Variants in NELFA observed in about 807,000 individuals in gnomAD.
NELFA encodes the protein negative elongation factor A.
NELFA carries 35 observed loss-of-function variants against 51.8 expected under a neutral mutation model. That is an observed-to-expected ratio of 0.68 (90% CI 0.52 to 0.90). NELFA has a LOEUF of 0.90. Ranked by LOEUF, NELFA falls within the 40% of genes least tolerant of loss-of-function variation. The probability of loss-of-function intolerance (pLI) is 0.00; values close to 1 mark genes in which losing one functional copy is unlikely to be tolerated. For missense variants in NELFA, 658 were observed against 746.4 expected, an observed-to-expected ratio of 0.88 and a Z score of 1.38; for synonymous variants, 417 against 338.4, an observed-to-expected ratio of 1.23 and a Z score of -2.55.
intron 4 of NELFA, 47 bp from the exon 5 acceptor site, chr4:1,986,449 C>T (rs368905227): frequency 2.2e-4 from 358 of 1,597,884 alleles, no homozygotes; most frequent in Non-Finnish European, 2.7e-4. Flanking sequence ...GACCGGCAAA[C>T]GTCCCCCACC....
At chr4:1,993,027 C>T (rs536149431) in intron 1 of NELFA, among the ~76,000 whole-genome samples, 7 of 152,358 alleles carry the variant, frequency 4.6e-5, no homozygotes, top group Admixed American at 1.3e-4. Context: ...TACGTGGCTG[C>T]AGGAAGCGCT....
intron 1 of NELFA, among the ~76,000 whole-genome samples, chr4:2,003,312 C>G (rs1675804285): frequency 6.6e-6 from 1 of 152,208 alleles, no homozygotes; most frequent in South Asian, 2.1e-4. Flanking sequence ...TTGTGGAAGA[C>G]AGCATGGCGA....
intron 1 of NELFA, among the ~76,000 whole-genome samples, chr4:1,995,153 AG>A (rs1366528384): frequency 6.6e-6 from 1 of 152,258 alleles, no homozygotes; most frequent in African/African-American, 2.4e-5. Context: ...ATGCTGAGTA[AG>A]GGGAACTCCT....
At chr4:1,996,431 T>C (rs1352148559) in intron 1 of NELFA, among the ~76,000 whole-genome samples, 2 of 152,150 alleles carry the variant, frequency 1.3e-5, no homozygotes, top group Non-Finnish European at 2.9e-5. Context: ...AAGCCTGAGA[T>C]TGGCATCCAT....
chr4:2,001,457 T>A (rs1728563972), intron 1 of NELFA, among the ~76,000 whole-genome samples: 1 of 152,186 alleles, frequency 6.6e-6, no homozygotes, highest in South Asian at 2.1e-4. Context: ...AGTCCGAGAA[T>A]ACAAAATCAA....
chr4:2,001,690 G>A (rs966597630), intron 1 of NELFA, among the ~76,000 whole-genome samples: 3 of 151,780 alleles, frequency 2.0e-5, no homozygotes, highest in African/African-American at 7.3e-5. Flanking sequence ...ATTACCTGAG[G>A]TCAGGAGTTT....
Position 2,008,970 on chromosome 4 carries a change from A to AGC in NELFA, c.-13_-12dup, listed in dbSNP as rs762692698. On this transcript the variant is annotated 5_prime_UTR_variant, in exon 1 of 11. Coordinates refer to ENST00000382882, the MANE Select transcript of NELFA (RefSeq NM_005663.5). ...CCGCATGGACGCCATCTTGGGGGAA[A>AGC]GCGCGCGCCGCTGCCCCGGCATCTT... 6 of 1,552,500 alleles carry AGC rather than the reference A, an allele frequency of 3.9e-6. No individual in the cohort carries two copies. Among genetic ancestry groups the AGC allele is most frequent in the Non-Finnish European group, 5.2e-6 (6 of 1,147,602 alleles).
intron 1 of NELFA, among the ~76,000 whole-genome samples, chr4:1,998,947 G>A (rs1466625230): frequency 6.6e-6 from 1 of 152,126 alleles, no homozygotes; most frequent in Admixed American, 6.6e-5. Flanking sequence ...ACTAATGGCA[G>A]ACCTCTGCAG....
chr4:1,991,293 G>C (rs1220619722), intron 2 of NELFA, among the ~76,000 whole-genome samples: 1 of 152,132 alleles, frequency 6.6e-6, no homozygotes, highest in African/African-American at 2.4e-5. Flanking sequence ...GGCGAGTGGC[G>C]TGACACAGCC....
chr4:2,005,714 CAAACAA>C (rs1327806519), intron 1 of NELFA, among the ~76,000 whole-genome samples: 2 of 151,820 alleles, frequency 1.3e-5, no homozygotes, highest in Non-Finnish European at 2.9e-5. Context: ...AACAAACAAA[CAAACAA>C]AAACAAAAAT....
In NELFA at chr4:1,986,151, G is replaced by A. The variant is rs144909996; in HGVS notation, c.798C>T (p.Gly266=). ...TTCTCCGCTTCGCCTCTCGGCCAGCGCCAACCATATCCAGCTCAGAGATGT... is the reference window on the plus strand; with the variant it reads ...TTCTCCGCTTCGCCTCTCGGCCAGCACCAACCATATCCAGCTCAGAGATGT... The part of the protein sequence containing the change: ...LLDISELDMV[G]AGREAKRRRK... Residue 266 remains glycine, a synonymous_variant, in exon 6 of 11, where the codon GGC becomes GGT. Transcript: ENST00000382882. 102 of 1,555,970 alleles carry A rather than the reference G, an allele frequency of 6.6e-5. 1 individual carries two copies. The African/African-American group carries it at 1.0e-3, about 16-fold the overall frequency.
At chr4:2,004,994 G>C (rs938456173) in intron 1 of NELFA, among the ~76,000 whole-genome samples, 1 of 150,742 alleles carries the variant, frequency 6.6e-6, no homozygotes, top group African/African-American at 2.4e-5. Flanking sequence ...TTTTTCTTTA[G>C]AGACGGGGTT....
chr4:1,990,061 G>A (rs1040397966), intron 2 of NELFA, 192 bp from the exon 3 acceptor site: 1 of 634,886 alleles, frequency 1.6e-6, no homozygotes, highest in African/African-American at 1.8e-5. Flanking sequence ...TTGCAGAACA[G>A]GAATGCCTGA....
In NELFA at chr4:1,983,252, T is replaced by C; in HGVS notation, c.*67A>G. ...GGCCAGGTGTCCGCCATCCGGTTAC[T>C]TTAAGCTGGCAAAGCCATCGTCCCG... On this transcript the variant is annotated 3_prime_UTR_variant, in exon 11 of 11. Transcript: ENST00000382882. The C allele has an allele frequency of 2.0e-6, 3 of 1,528,470 alleles. No homozygotes were observed. The highest frequency in any genetic ancestry group is 1.3e-5 in the South Asian group (1 of 79,832). 94.7% of individuals were successfully genotyped at this position (1,528,470 alleles called of 1,614,324 possible). A position where few individuals can be genotyped will look rare whatever the true frequency, so the allele number is the denominator to read the frequency against.
At position 2,008,929 on chromosome 4, in the gene NELFA, G is replaced by A. The variant is rs774025234; in HGVS notation, c.31C>T (p.Leu11=). 35 of 1,570,266 alleles carry A rather than the reference G, an allele frequency of 2.2e-5. No individual in the cohort carries two copies. In the South Asian group the frequency reaches 4.0e-4, roughly 18 times the overall value. ...GCCCCCAGCTTGTTGTGCAGCCACA[G>A]GCCCGTGTCGCTCTCCCGCATGGAC... MASMRESDTG[L]WLHNKLGATD... Residue 11 remains leucine, a synonymous_variant, in exon 1 of 11, where the codon CTG becomes TTG. Coordinates refer to ENST00000382882, the MANE Select transcript of NELFA (RefSeq NM_005663.5).
intron 1 of NELFA, among the ~76,000 whole-genome samples, chr4:2,002,046 A>C (rs1312416949): frequency 6.6e-6 from 1 of 150,686 alleles, no homozygotes; most frequent in African/African-American, 2.4e-5. Context: ...TAAAAATACA[A>C]AAAATTAGCC....
At chr4:2,006,271 G>A (rs1728707445) in intron 1 of NELFA, among the ~76,000 whole-genome samples, 1 of 152,170 alleles carries the variant, frequency 6.6e-6, no homozygotes, top group South Asian at 2.1e-4. Context: ...CATCCATGTG[G>A]AAAATTAGAC....
chr4:1,990,595 G>C, intron 2 of NELFA: 1 of 445,016 alleles, frequency 2.2e-6, no homozygotes. Flanking sequence ...CTTGCAGGGG[G>C]GTGGCCAGCA....
chr4:1,987,922 G>C lies in NELFA; in HGVS notation c.630C>G (p.Thr210=), dbSNP rs1399367605. 2 of 1,605,196 alleles carry C rather than the reference G, an allele frequency of 1.2e-6. No homozygotes were observed. Among genetic ancestry groups the C allele is most frequent in the Non-Finnish European group, 1.7e-6 (2 of 1,177,192 alleles). ...KGRGLLRKMD[T]TTPLKGIPKQ... The stretch of plus-strand genomic sequence containing the variant: ...GCACCAGGGTGGGGGCCTTACTGGT[G>C]GTGTCCATCTTCCGCAGCAGCCCCC... The change falls in exon 4 of 11, where the codon ACC becomes ACG. Residue 210 remains threonine, a synonymous_variant. Coordinates refer to ENST00000382882, the MANE Select transcript of NELFA (RefSeq NM_005663.5).
Sources: gnomAD v4.1 joint callset for allele counts (sites outside exome capture counted in the v4.1 genomes callset) on GRCh38, gnomAD v4.1.1 for gene constraint, MANE v1.5 for transcripts, NCBI Gene and HGNC (gene_info 2026-07-23, HGNC 2026-07-21) for gene names.